The following CRIM1 variants were observed in gnomAD, a reference collection of about 807,000 sequenced individuals.
The protein encoded by CRIM1 is cysteine rich transmembrane BMP regulator 1.
CRIM1 carries 32 observed loss-of-function variants against 116.4 expected under a neutral mutation model. The observed-to-expected ratio is 0.27, with a 90% CI of 0.21 to 0.37. CRIM1 has a LOEUF of 0.37. Among genes scored for constraint, CRIM1 ranks in the 10% least tolerant of loss-of-function variants. The pLI, the probability that CRIM1 is intolerant of heterozygous loss-of-function variation, is 1.00. For synonymous variants in CRIM1, 590 were observed against 509.2 expected, an observed-to-expected ratio of 1.16 and a Z score of -2.13; for missense variants, 1,331 against 1,354.8, an observed-to-expected ratio of 0.98 and a Z score of 0.28.
Position 36,544,453 on chromosome 2 carries a change from C to T in CRIM1, c.2701C>T (p.Leu901=). 2 of 1,418,376 alleles carry T rather than the reference C, an allele frequency of 1.4e-6. No individual in the cohort carries two copies. Among genetic ancestry groups the T allele is most frequent in the Non-Finnish European group, 1.9e-6 (2 of 1,079,508 alleles). 87.9% of individuals were successfully genotyped at this position (1,418,376 alleles called of 1,614,324 possible). The stretch of plus-strand genomic sequence containing the variant: ...AGGAGAGGTTGACCTGGAGGTTCCC[C>T]TGTGGCCCACGCCTAGTGAAAATGA... ...HRGEVDLEVP[L]WPTPSENDIV... The change falls in exon 15 of 17, where the codon CTG becomes TTG. Residue 901 remains leucine, a synonymous_variant. Transcript: ENST00000280527.
intron 4 of CRIM1, among the ~76,000 whole-genome samples, chr2:36,453,698 G>C (rs544789405): frequency 1.3e-5 from 2 of 152,344 alleles, no homozygotes; most frequent in East Asian, 3.9e-4. Context: ...ATTATAAAGG[G>C]AAGGCAAATA....
At chr2:36,529,205 C>G (rs563098423) in intron 13 of CRIM1, 4 of 471,138 alleles carry the variant, frequency 8.5e-6, no homozygotes, top group Non-Finnish European at 1.8e-5. Context: ...GGGGGAAGAC[C>G]CCATCACAAG....
At chr2:36,523,324 G>A (rs1176175827) in intron 13 of CRIM1, among the ~76,000 whole-genome samples, 1 of 152,164 alleles carries the variant, frequency 6.6e-6, no homozygotes. Context: ...GTCCCTGTCA[G>A]TGGCCTAGGC....
chr2:36,499,191 G>T (rs777160324), intron 7 of CRIM1, 28 bp from the exon 8 acceptor site: 1 of 1,566,562 alleles, frequency 6.4e-7, no homozygotes, highest in South Asian at 1.1e-5. Context: ...ATGTTTCATT[G>T]GTTATTTTTT....
At chr2:36,494,663 G>A (rs1680457560) in intron 7 of CRIM1, among the ~76,000 whole-genome samples, 1 of 152,112 alleles carries the variant, frequency 6.6e-6, no homozygotes, top group African/African-American at 2.4e-5. Context: ...CTCAGATGCT[G>A]AGTAGAAAAC....
At chr2:36,536,550 G>A (rs1280108279) in intron 13 of CRIM1, among the ~76,000 whole-genome samples, 2 of 152,122 alleles carry the variant, frequency 1.3e-5, no homozygotes, top group East Asian at 1.9e-4. Flanking sequence ...GCCTCACTCT[G>A]AACCACATTC....
intron 4 of CRIM1, among the ~76,000 whole-genome samples, chr2:36,455,036 A>G (rs1324664035): frequency 8.5e-5 from 13 of 152,142 alleles, no homozygotes; most frequent in Non-Finnish European, 1.9e-4. Flanking sequence ...CCGCAGAGAA[A>G]AGGAAACGAT....
In CRIM1 at chr2:36,409,254, C is replaced by T. The variant is rs559482411; in HGVS notation, c.505+12467C>T. ...TCCCTATTCTTTTAGTTTTTTTCCA[C>T]CTCAGAAGCCCAGCATCATCTTTCT... is the stretch of plus-strand genomic sequence containing the variant. On this transcript the variant is annotated intron_variant, in intron 2 of 16. Coordinates refer to ENST00000280527, the MANE Select transcript of CRIM1 (RefSeq NM_016441.3). 6.0e-4 allele frequency among the ~76,000 whole-genome samples: 91 copies of T among 152,212 alleles called. 2 individuals carry two copies. The highest frequency in any genetic ancestry group is 3.4e-3 in the Middle Eastern group (1 of 294).
At chr2:36,386,321 A>G (rs1476263737) in intron 1 of CRIM1, among the ~76,000 whole-genome samples, 2 of 152,224 alleles carry the variant, frequency 1.3e-5, no homozygotes, top group South Asian at 2.1e-4. Context: ...TTTATCTAAC[A>G]TGGTTGAGGC....
chr2:36,539,733 G>A (rs1456400271), intron 14 of CRIM1, among the ~76,000 whole-genome samples: 2 of 152,148 alleles, frequency 1.3e-5, no homozygotes, highest in Non-Finnish European at 2.9e-5. Flanking sequence ...CAATGTATGC[G>A]GGGAGTGAGT....
chr2:36,400,431 G>T (rs1056691913), intron 2 of CRIM1, among the ~76,000 whole-genome samples: 1 of 152,128 alleles, frequency 6.6e-6, no homozygotes, highest in African/African-American at 2.4e-5. Context: ...AGGAATAGTA[G>T]CAGGGAAGAG....
chr2:36,458,096 T>C lies in CRIM1; in HGVS notation c.870-6438T>C, dbSNP rs181871146. ...CTTCCGGTGTGTAGTAGATCCAGTA[T>C]TGAAAGAAATCTTTTCCAGAAGACC... On this transcript the variant is annotated intron_variant, in intron 4 of 16. Transcript: ENST00000280527. Among the ~76,000 whole-genome samples the C allele has an allele frequency of 2.0e-5, 3 of 152,276 alleles. No homozygotes were observed. In the East Asian group the frequency reaches 5.8e-4, roughly 29 times the overall value.
intron 1 of CRIM1, among the ~76,000 whole-genome samples, chr2:36,381,123 C>A (rs1019386087): frequency 2.0e-5 from 3 of 152,240 alleles, no homozygotes; most frequent in Non-Finnish European, 4.4e-5. Context: ...CCCTACCCCC[C>A]ACACAGGAAT....
chr2:36,528,272 C>T (rs1276581772), intron 13 of CRIM1, among the ~76,000 whole-genome samples: 3 of 152,098 alleles, frequency 2.0e-5, no homozygotes, highest in Non-Finnish European at 2.9e-5. Context: ...CTTTTCGAGG[C>T]CGAGAATATC....
intron 7 of CRIM1, among the ~76,000 whole-genome samples, chr2:36,497,556 A>G (rs1400200889): frequency 6.6e-6 from 1 of 152,164 alleles, no homozygotes; most frequent in African/African-American, 2.4e-5. Context: ...AAACAACTAA[A>G]CTTTAGTTAT....
intron 1 of CRIM1, among the ~76,000 whole-genome samples, chr2:36,375,693 T>C (rs1286651655): frequency 2.0e-5 from 3 of 152,252 alleles, no homozygotes; most frequent in Non-Finnish European, 4.4e-5. Context: ...TATTTAGACT[T>C]TCTAAGCCAC....
intron 15 of CRIM1, among the ~76,000 whole-genome samples, chr2:36,546,626 AGAC>A (rs1667351952): frequency 6.6e-6 from 1 of 152,144 alleles, no homozygotes. Context: ...AAATCTGAGA[AGAC>A]CATGTATGTT....
At chr2:36,546,601 A>T (rs1216407152) in intron 15 of CRIM1, among the ~76,000 whole-genome samples, 2 of 152,048 alleles carry the variant, frequency 1.3e-5, no homozygotes, top group Non-Finnish European at 2.9e-5. Context: ...TAAATCAGCT[A>T]ATGTTTCTCC....
chr2:36,460,454 G>C (rs1411912464), intron 4 of CRIM1, among the ~76,000 whole-genome samples: 1 of 152,168 alleles, frequency 6.6e-6, no homozygotes, highest in East Asian at 1.9e-4. Flanking sequence ...CTGAAATTAG[G>C]TACTAGTGAT....
Sources: gnomAD v4.1 joint callset for allele counts (sites outside exome capture counted in the v4.1 genomes callset) on GRCh38, gnomAD v4.1.1 for gene constraint, MANE v1.5 for transcripts, NCBI Gene and HGNC (gene_info 2026-07-23, HGNC 2026-07-21) for gene names.